MEGF8: variants seen among roughly 807,000 people sequenced by gnomAD.
MEGF8 encodes the protein multiple epidermal growth factor-like domains protein 8.
MEGF8 carries 156 observed loss-of-function variants against 302.9 expected under a neutral mutation model. That is an observed-to-expected ratio of 0.52 (90% CI 0.45 to 0.59). The LOEUF (loss-of-function observed/expected upper bound fraction) is 0.59, where lower values mean the gene tolerates loss of function less well. Among genes scored for constraint, MEGF8 ranks in the 20% least tolerant of loss-of-function variants. MEGF8 has a pLI of 0.00. For missense variants in MEGF8, 3,345 were observed against 3,964.5 expected (o/e 0.84, Z 4.20); for synonymous variants, 1,621 against 1,660.5 (o/e 0.98, Z 0.58).
intron 35 of MEGF8, among the ~76,000 whole-genome samples, chr19:42,366,821 C>G (rs946412597): frequency 6.6e-6 from 1 of 152,192 alleles, no homozygotes; most frequent in Admixed American, 6.5e-5. Flanking sequence ...TCAGGGTTCT[C>G]TACCCCTCCC....
rs553176315 is a variant in MEGF8 at position 42,371,344 on chromosome 19, C to T, written c.7137-6C>T. On this transcript the variant is annotated splice_polypyrimidine_tract_variant and splice_region_variant and intron_variant, in intron 40 of 41. Transcript: ENST00000251268. ...GGGGCTCCGTAACCCTCAACTTCTT[C>T]CCCAGATGCCAGTGTAATGGCCACG... The T allele has an allele frequency of 1.2e-6, 2 of 1,613,678 alleles. No homozygotes were observed. The highest frequency in any genetic ancestry group is 2.2e-5 in the South Asian group (2 of 91,036).
chr19:42,343,773 G>C, intron 9 of MEGF8, 142 bp downstream of exon 9: 1 of 1,361,864 alleles, frequency 7.3e-7, no homozygotes, highest in Non-Finnish European at 9.8e-7. Flanking sequence ...GGAGGTCCCT[G>C]GGGCAGAGGA....
chr19:42,329,511 T>C (rs1332982504), intron 1 of MEGF8, among the ~76,000 whole-genome samples: 2 of 152,152 alleles, frequency 1.3e-5, no homozygotes, highest in Non-Finnish European at 2.9e-5. Flanking sequence ...CTTCTGTTCT[T>C]ACCAATGCCT....
Position 42,344,360 on chromosome 19 carries a change from G to A in MEGF8, c.1789-81G>A. 1 of 1,496,304 alleles carries A rather than the reference G, an allele frequency of 6.7e-7. No homozygotes were observed. Among genetic ancestry groups the A allele is most frequent in the Non-Finnish European group, 8.9e-7 (1 of 1,126,862 alleles). The allele number at this position is 1,496,304 out of a possible 1,614,324, so 92.7% of individuals were successfully genotyped here. A position where few individuals can be genotyped will look rare whatever the true frequency, so the allele number is the denominator to read the frequency against. ...AGTTTTTTCGCCCTTTCCATCGCAG[G>A]ACCCTGTATCCACAGCCCTTCCTTC... On this transcript the variant is annotated intron_variant, in intron 10 of 41. Transcript: ENST00000251268. The surrounding 1 kb of genome is among the most constrained non-coding windows in gnomAD (Gnocchi z 4.5).
intron 2 of MEGF8, 37 bp downstream of exon 2, chr19:42,333,805 G>A (rs769675441): frequency 4.4e-6 from 7 of 1,605,438 alleles, no homozygotes; most frequent in Non-Finnish European, 6.0e-6. Context: ...TACACCGAGG[G>A]AAATGGAAGA....
At position 42,368,508 on chromosome 19, in the gene MEGF8, G is replaced by T. The variant is rs2147506361; in HGVS notation, c.6327G>T (p.Arg2109=). ...GATGTATGGCCGGAGGCTGTGGGCG[G>T]CTGCTCCGGGGACCTGAGAGCTGCT... is the stretch of plus-strand genomic sequence containing the variant. ...PLRCMAGGCG[R]LLRGPESCSL... Residue 2109 remains arginine, a synonymous_variant, in exon 36 of 42, where the codon CGG becomes CGT. Coordinates refer to ENST00000251268, the MANE Select transcript of MEGF8 (RefSeq NM_001271938.2). This position sits in a 1 kb window ranked among gnomAD's most constrained non-coding sequence, Gnocchi z 4.9. The T allele has an allele frequency of 6.2e-7, 1 of 1,609,352 alleles. No individual in the cohort carries two copies. Among genetic ancestry groups the T allele is most frequent in the Non-Finnish European group, 8.5e-7 (1 of 1,178,550 alleles).
In MEGF8 at chr19:42,343,493, C is replaced by A. The variant is rs770497713; in HGVS notation, c.1530C>A (p.Pro510=). 6 of 1,604,302 alleles carry A rather than the reference C, an allele frequency of 3.7e-6. No individual in the cohort carries two copies. The highest frequency in any genetic ancestry group is 5.1e-6 in the Non-Finnish European group (6 of 1,172,502). ...PGTPEGRAAP[P]SGRYSHVAAV... is the part of the protein sequence containing the mutation. ...TTCCCCTAGGCCGAGCAGCGCCTCC[C>A]AGTGGTCGGTACTCACATGTAGCTG... Residue 510 remains proline, a synonymous_variant, in exon 9 of 42, where the codon CCC becomes CCA. Coordinates refer to ENST00000251268, the MANE Select transcript of MEGF8 (RefSeq NM_001271938.2).
Position 42,352,702 on chromosome 19 carries a change from G to A in MEGF8, c.3351-226G>A. ...AGTCTTCAGCGTTGCCATGGAGGCG[G>A]AGGAGGACCTAGTTGAAAGAGGTTT... On this transcript the variant is annotated intron_variant, in intron 19 of 41. Transcript: ENST00000251268. This position sits in a 1 kb window ranked among gnomAD's most constrained non-coding sequence, Gnocchi z 4.4. The A allele has an allele frequency of 1.5e-6, 1 of 645,508 alleles. No individual in the cohort carries two copies. The highest frequency in any genetic ancestry group is 2.0e-5 in the South Asian group (1 of 51,186). The allele number at this position is 645,508 out of a possible 1,614,324, so 40.0% of individuals were successfully genotyped here.
chr19:42,343,665 G>A (rs1021116455), intron 9 of MEGF8, 34 bp downstream of exon 9: 4 of 1,568,304 alleles, frequency 2.6e-6, no homozygotes, highest in Non-Finnish European at 3.5e-6. Context: ...AGGGTGGCTG[G>A]GGGGAGGAGG....
chr19:42,372,997 G>A (rs996247625), intron 41 of MEGF8, among the ~76,000 whole-genome samples: 1 of 151,226 alleles, frequency 6.6e-6, no homozygotes, highest in African/African-American at 2.4e-5. Context: ...TCTTGATAAG[G>A]GAAAGGCCTA....
chr19:42,343,610 G>A lies in MEGF8; in HGVS notation c.1647G>A (p.Val549=), dbSNP rs771569648. 1.9e-6 allele frequency: 3 copies of A among 1,609,778 alleles called. No individual in the cohort carries two copies. Among genetic ancestry groups the A allele is most frequent in the South Asian group, 2.2e-5 (2 of 90,690 alleles). ...DLMAYKVPPF[V]FQAPAPDYHL... is the part of the protein sequence containing the mutation. Reference sequence around the variant, plus strand: ...TGGCGTACAAGGTGCCCCCCTTTGTGTTCCAGGCACCTGCCCCTGACGTGA... The same window carrying A: ...TGGCGTACAAGGTGCCCCCCTTTGTATTCCAGGCACCTGCCCCTGACGTGA... Residue 549 remains valine, a synonymous_variant, in exon 9 of 42, where the codon GTG becomes GTA. Transcript: ENST00000251268.
chr19:42,354,463 G>A lies in MEGF8; in HGVS notation c.4012-125G>A. Reference sequence around the variant, plus strand: ...TGCCATAGTTTGACAGTCTCCCCTGGATGTTCAAACAGCCCATTTCCCAGT... The same window carrying A: ...TGCCATAGTTTGACAGTCTCCCCTGAATGTTCAAACAGCCCATTTCCCAGT... On this transcript the variant is annotated intron_variant, in intron 22 of 41. Transcript: ENST00000251268. The surrounding 1 kb of genome is among the most constrained non-coding windows in gnomAD (Gnocchi z 4.3). 9.0e-7 allele frequency: 1 copy of A among 1,112,364 alleles called. No homozygotes were observed. The highest frequency in any genetic ancestry group is 2.4e-5 in the East Asian group (1 of 41,874). The allele number at this position is 1,112,364 out of a possible 1,614,324, so 68.9% of individuals were successfully genotyped here.
At position 42,352,877 on chromosome 19, in the gene MEGF8, G is replaced by A; in HGVS notation, c.3351-51G>A. On this transcript the variant is annotated intron_variant, in intron 19 of 41. Coordinates refer to ENST00000251268, the MANE Select transcript of MEGF8 (RefSeq NM_001271938.2). The surrounding 1 kb of genome is among the most constrained non-coding windows in gnomAD (Gnocchi z 4.4). ...TGGGTGGAGATGATGGGGTGCTTTA[G>A]GGGCTCTGGGCCTGCCTGGCGCTTT... 7.4e-7 allele frequency: 1 copy of A among 1,351,450 alleles called. No homozygotes were observed. 83.7% of individuals were successfully genotyped at this position (1,351,450 alleles called of 1,614,324 possible).
chr19:42,328,098 A>G (rs1337306577), intron 1 of MEGF8, among the ~76,000 whole-genome samples: 1 of 152,242 alleles, frequency 6.6e-6, no homozygotes, highest in East Asian at 1.9e-4. Flanking sequence ...AAACAAAAAC[A>G]AAAACATAGA....
At position 42,344,026 on chromosome 19, in the gene MEGF8, C is replaced by T; in HGVS notation, c.1741C>T (p.Gln581Ter). The change falls in exon 10 of 42, where the codon CAA (glutamine) becomes TAA (stop). Residue 581 changes from glutamine to a stop codon, truncating the protein, a stop_gained. Transcript: ENST00000251268. LOFTEE classifies it high-confidence loss of function. The surrounding 1 kb of genome is among the most constrained non-coding windows in gnomAD (Gnocchi z 4.5). ...CSRDPECSWC[Q>*]GACQAAPPPG... Reference sequence around the variant, plus strand: ...CCGGGACCCGGAATGCAGTTGGTGCCAAGGAGCCTGCCAAGCTGCACCCCC... The same window carrying T: ...CCGGGACCCGGAATGCAGTTGGTGCTAAGGAGCCTGCCAAGCTGCACCCCC... 1 of 1,613,792 alleles carries T rather than the reference C, an allele frequency of 6.2e-7. No individual in the cohort carries two copies. Among genetic ancestry groups the T allele is most frequent in the Non-Finnish European group, 8.5e-7 (1 of 1,179,792 alleles).
Position 42,358,357 on chromosome 19 carries a change from G to T in MEGF8, c.5175+50G>T, listed in dbSNP as rs1283255317. On this transcript the variant is annotated intron_variant, in intron 29 of 41. Transcript: ENST00000251268. The surrounding 1 kb of genome is among the most constrained non-coding windows in gnomAD (Gnocchi z 4.4). ...AGGATGTATGGGGCAGGAGGGAGGG[G>T]TCCTCTTTCCCAGTGCCCCAGGGAC... The T allele has an allele frequency of 1.5e-5, 23 of 1,530,858 alleles. No individual in the cohort carries two copies. Among genetic ancestry groups the T allele is most frequent in the Non-Finnish European group, 1.9e-5 (22 of 1,144,438 alleles). 94.8% of individuals were successfully genotyped at this position (1,530,858 alleles called of 1,614,324 possible).
At chr19:42,333,131 C>T (rs374491233) in intron 1 of MEGF8, among the ~76,000 whole-genome samples, 3 of 152,216 alleles carry the variant, frequency 2.0e-5, no homozygotes, top group Non-Finnish European at 4.4e-5. Context: ...GGACTCTTCT[C>T]TTGCAGCTCT....
In MEGF8 at chr19:42,375,567, C is replaced by T. The variant is rs2039754155; in HGVS notation, c.7330C>T (p.Leu2444Phe). Reference protein sequence around the residue: ...SPLGGQQCYRLISVEQECCLD... With the variant: ...SPLGGQQCYRFISVEQECCLD... The stretch of plus-strand genomic sequence containing the variant: ...GCTGGGCGGCCAGCAGTGCTACCGC[C>T]TCATCTCGGTGGAGCAGGAGTGCTG... Residue 2444 changes from leucine (L) to phenylalanine (F), a missense_variant, in exon 42 of 42, where the codon CTC (leucine) becomes TTC (phenylalanine). Transcript: ENST00000251268. This position sits in a 1 kb window ranked among gnomAD's most constrained non-coding sequence, Gnocchi z 7.1. The T allele has an allele frequency of 1.9e-6, 3 of 1,596,830 alleles. No individual in the cohort carries two copies. Among genetic ancestry groups the T allele is most frequent in the Non-Finnish European group, 1.7e-6 (2 of 1,172,704 alleles).
intron 38 of MEGF8, 113 bp from the exon 39 acceptor site, chr19:42,370,076 C>A: frequency 8.3e-7 from 1 of 1,206,074 alleles, no homozygotes; most frequent in Non-Finnish European, 1.2e-6. Flanking sequence ...AACCAGGTAC[C>A]CGAGCCTCTG....
Sources: gnomAD v4.1 joint callset for allele counts (sites outside exome capture counted in the v4.1 genomes callset) on GRCh38, gnomAD v4.1.1 for gene constraint, Gnocchi (gnomAD v3.1) non-coding constraint, MANE v1.5 for transcripts, NCBI Gene and HGNC (gene_info 2026-07-23, HGNC 2026-07-21) for gene names.